The following SMG5 variants were observed in gnomAD, a reference collection of about 807,000 sequenced individuals.
SMG5 encodes SMG5 nonsense mediated mRNA decay factor.
In SMG5, 53 loss-of-function variants were observed where a neutral mutation model predicts 122.9. The ratio of observed to expected loss-of-function variants is 0.43; its 90% confidence interval spans 0.35 to 0.54. SMG5 has a LOEUF of 0.54. SMG5 is among the 20% of genes least tolerant of loss of function. The pLI, the probability that SMG5 is intolerant of heterozygous loss-of-function variation, is 0.01. For synonymous variants in SMG5, 477 were observed against 490.2 expected, an observed-to-expected ratio of 0.97 and a Z score of 0.35; for missense variants, 1,153 against 1,285.6, an observed-to-expected ratio of 0.90 and a Z score of 1.58.
At chr1:156,286,012 G>T, upstream of SMG5, 2 of 1,577,576 alleles carry the variant, frequency 1.3e-6, no homozygotes, top group South Asian at 2.4e-5. Flanking sequence ...AGGGGGCATC[G>T]GGAAGTGGAC....
In SMG5 at chr1:156,277,144, T is replaced by C; in HGVS notation, c.395A>G (p.His132Arg). 5.0e-6 allele frequency: 8 copies of C among 1,613,954 alleles called. No homozygotes were observed. Among genetic ancestry groups the C allele is most frequent in the Non-Finnish European group, 6.8e-6 (8 of 1,179,950 alleles). The change falls in exon 4 of 22, where the codon CAC becomes CGC. Residue 132 changes from histidine (H) to arginine (R), a missense_variant. By Grantham distance (29) the His-to-Arg change is conservative. Coordinates refer to ENST00000361813, the MANE Select transcript of SMG5 (RefSeq NM_015327.3). ...YQHLLLYIQSHYQLELQCCID... is the reference protein window; with the variant it reads ...YQHLLLYIQSRYQLELQCCID... ...GCAGCACTGCAGTTCCAGCTGGTAG[T>C]GGGACTGGATATAGAGAAGGAGATG...
In SMG5 at chr1:156,260,451, C is replaced by T. The variant is rs755380388; in HGVS notation, c.2283G>A (p.Glu761=). ...GTGGCATAAGAAATGCTATCCTTAC[C>T]TCCTCTAAGGTGCTGAGCAGGGGCC... ...TDRPLLSTLE[E]SVVRICCIRS... Residue 761 remains glutamate, a splice_region_variant and synonymous_variant, in exon 15 of 22, where the codon GAG becomes GAA. Transcript: ENST00000361813. 2.5e-6 allele frequency: 4 copies of T among 1,597,306 alleles called. No homozygotes were observed. In the South Asian group the frequency reaches 4.5e-5, roughly 18 times the overall value.
At chr1:156,268,633 C>T (rs1662265659) in intron 7 of SMG5, among the ~76,000 whole-genome samples, 1 of 152,186 alleles carries the variant, frequency 6.6e-6, no homozygotes, top group Non-Finnish European at 1.5e-5. Context: ...TCTTACTCTG[C>T]TTTGTATCTA....
At position 156,267,549 on chromosome 1, in the gene SMG5, T is replaced by A; in HGVS notation, c.1038A>T (p.Gly346=). 6.2e-7 allele frequency: 1 copy of A among 1,614,098 alleles called. No homozygotes were observed. Among genetic ancestry groups the A allele is most frequent in the Non-Finnish European group, 8.5e-7 (1 of 1,180,016 alleles). ...ASEDEEEYES[G]YAFLPDLLIF... ...TGAGAAGGTCCGGGAGGAAAGCATA[T>A]CCACTCTCATACTCCTCCTCATCCT... is the stretch of plus-strand genomic sequence containing the variant. Residue 346 remains glycine (G), a synonymous_variant, in exon 10 of 22, where the codon GGA becomes GGT. Coordinates refer to ENST00000361813, the MANE Select transcript of SMG5 (RefSeq NM_015327.3).
exon 1 of SMG5, chr1:156,282,821 GCGACAGCTCCTCCT>G: frequency 1.2e-6 from 1 of 851,062 alleles, no homozygotes; most frequent in Non-Finnish European, 1.7e-6. Flanking sequence ...GCGGCTGCCC[GCGACAGCTCCTCCT>G]CCGCCTGCCA....
Position 156,251,399 on chromosome 1 carries a change from T to C in SMG5, c.2828+4A>G. ...GGTTCTAGGGGTGAGGGCTAAAATG[T>C]TACCAGGCATCTGCATCCTGCCTCT... On this transcript the variant is annotated splice_donor_region_variant and intron_variant, in intron 20 of 21. Transcript: ENST00000361813. 1 of 1,614,174 alleles carries C rather than the reference T, an allele frequency of 6.2e-7. No homozygotes were observed. The highest frequency in any genetic ancestry group is 8.5e-7 in the Non-Finnish European group (1 of 1,180,000).
upstream of SMG5, chr1:156,285,062 A>T (rs1178685568): frequency 1.4e-6 from 1 of 696,252 alleles, no homozygotes; most frequent in African/African-American, 1.8e-5. Context: ...CGTTCTCCCT[A>T]AGGCTCCAGA....
chr1:156,253,141 A>G (rs1162452132), intron 17 of SMG5, 63 bp from the exon 18 acceptor site: 17 of 1,493,960 alleles, frequency 1.1e-5, no homozygotes, highest in Non-Finnish European at 1.4e-5. Flanking sequence ...CCGGGGGAAG[A>G]GTGGTGCTCA....
chr1:156,280,466 T>C (rs549056383), intron 1 of SMG5, among the ~76,000 whole-genome samples: 2 of 152,330 alleles, frequency 1.3e-5, no homozygotes, highest in East Asian at 3.9e-4. Context: ...CGATACCTTC[T>C]CACAAGCAAT....
chr1:156,276,951 A>G (rs2277871), intron 4 of SMG5, 134 bp downstream of exon 4: 232,993 of 854,428 alleles, frequency 0.27, 33,529 homozygotes, highest in Non-Finnish European at 0.29. Context: ...TCCAAACTTC[A>G]TAAACCATTT....
chr1:156,264,695 G>T (rs1348371463), intron 12 of SMG5, among the ~76,000 whole-genome samples: 1 of 152,146 alleles, frequency 6.6e-6, no homozygotes, highest in Non-Finnish European at 1.5e-5. Context: ...AGCAAGGGAG[G>T]AAAAGCACTT....
At chr1:156,264,267 C>CAAAAAAAAAAAAAAAAAAAA (rs1205363773) in intron 12 of SMG5, among the ~76,000 whole-genome samples, 1 of 53,978 alleles carries the variant, frequency 1.9e-5, no homozygotes, top group African/African-American at 8.1e-5. Context: ...GACTCCGTCT[C>CAAAAAAAAAAAAAAAAAAAA]AAAAAAAAAA....
chr1:156,270,694 T>C (rs1382198879), intron 7 of SMG5, among the ~76,000 whole-genome samples: 5 of 152,174 alleles, frequency 3.3e-5, no homozygotes, highest in Non-Finnish European at 5.9e-5. Context: ...GGGGTCATTC[T>C]CAGGAAGGCA....
At chr1:156,268,478 G>A in intron 7 of SMG5, 63 bp from the exon 8 acceptor site, 1 of 1,585,232 alleles carries the variant, frequency 6.3e-7, no homozygotes, top group South Asian at 1.1e-5. Flanking sequence ...CTCTGCTGGG[G>A]CTTTAGGAAA....
At chr1:156,280,557 C>A (rs769747122) in intron 1 of SMG5, among the ~76,000 whole-genome samples, 1 of 152,216 alleles carries the variant, frequency 6.6e-6, no homozygotes, top group Non-Finnish European at 1.5e-5. Context: ...AGGGGCAGCA[C>A]CAGTGATTTA....
chr1:156,266,410 C>CGAGGAACAGGTGGAGCCT (rs762355548), intron 11 of SMG5, 30 bp from the exon 12 acceptor site: 5 of 1,602,788 alleles, frequency 3.1e-6, no homozygotes, highest in Non-Finnish European at 4.3e-6. Context: ...AGGTGGAGCC[C>CGAGGAACAGGTGGAGCCT]GAGGAACAGG....
At chr1:156,268,482 T>C (rs555199212) in intron 7 of SMG5, 67 bp from the exon 8 acceptor site, 5 of 1,581,298 alleles carry the variant, frequency 3.2e-6, no homozygotes, top group African/African-American at 1.4e-5. Flanking sequence ...GCTGGGGCTT[T>C]AGGAAACAAT....
rs375127516 is a variant in SMG5, at chr1:156,250,839, C to G, written c.2967+19G>C. ...TCGTCCCTATTCCACACCATCCCCC[C>G]ACCTCACCCATGACCCACCTGCATG... On this transcript the variant is annotated intron_variant, in intron 21 of 21. Coordinates refer to ENST00000361813, the MANE Select transcript of SMG5 (RefSeq NM_015327.3). 5.5e-5 allele frequency: 89 copies of G among 1,612,918 alleles called. No homozygotes were observed. The Middle Eastern group carries it at 8.4e-4, about 15-fold the overall frequency.
chr1:156,279,595 T>C (rs1662841640), intron 1 of SMG5, among the ~76,000 whole-genome samples: 1 of 152,186 alleles, frequency 6.6e-6, no homozygotes, highest in Non-Finnish European at 1.5e-5. Flanking sequence ...CAGAGAACTG[T>C]TGTGAGGATT....
Sources: allele counts gnomAD v4.1 joint callset (sites outside exome capture counted in the v4.1 genomes callset), GRCh38; gene constraint gnomAD v4.1.1; transcripts MANE v1.5; gene names NCBI Gene and HGNC (gene_info 2026-07-23, HGNC 2026-07-21).